Variants in GNAQ observed in about 807,000 individuals in gnomAD.
GNAQ encodes G protein subunit alpha q.
GNAQ carries 8 observed loss-of-function variants against 43.9 expected under a neutral mutation model. The ratio of observed to expected loss-of-function variants is 0.18; its 90% CI spans 0.11 to 0.33. The LOEUF (loss-of-function observed/expected upper bound fraction) is 0.33. Ranked by LOEUF, GNAQ falls within the 10% of genes least tolerant of loss-of-function variation. GNAQ has a pLI of 1.00. For missense variants in GNAQ, 158 were observed against 450.8 expected, an observed-to-expected ratio of 0.35 and a Z score of 5.88; for synonymous variants, 155 against 170.7, an observed-to-expected ratio of 0.91 and a Z score of 0.71.
intron 2 of GNAQ, among the ~76,000 whole-genome samples, chr9:77,905,096 T>TAC (rs1358452251): frequency 6.6e-6 from 1 of 152,162 alleles, no homozygotes; most frequent in Non-Finnish European, 1.5e-5. Flanking sequence ...CATCCTCTAT[T>TAC]ACCAAGAAAT....
chr9:77,741,226 G>T (rs1172772160), intron 5 of GNAQ, among the ~76,000 whole-genome samples: 6 of 152,152 alleles, frequency 3.9e-5, no homozygotes. Flanking sequence ...CTGATAAAAA[G>T]GAAGTTGAGT....
chr9:77,915,136 T>C (rs570226870), intron 2 of GNAQ, among the ~76,000 whole-genome samples: 28 of 152,346 alleles, frequency 1.8e-4, no homozygotes, highest in African/African-American at 6.5e-4. Context: ...AGTACATTCC[T>C]AGCTTTATTT....
At chr9:77,965,951 G>T (rs1213334829) in intron 1 of GNAQ, among the ~76,000 whole-genome samples, 1 of 151,998 alleles carries the variant, frequency 6.6e-6, no homozygotes, top group Admixed American at 6.6e-5. Flanking sequence ...ATCAGTAGAT[G>T]AATGGATAAA....
chr9:77,993,007 T>C (rs1823527644), intron 1 of GNAQ, among the ~76,000 whole-genome samples: 1 of 152,212 alleles, frequency 6.6e-6, no homozygotes, highest in Admixed American at 6.6e-5. Flanking sequence ...TTTTCTATTG[T>C]AATATCAGAA....
intron 5 of GNAQ, among the ~76,000 whole-genome samples, chr9:77,749,957 C>T (rs1359908645): frequency 6.6e-6 from 1 of 151,876 alleles, no homozygotes. Flanking sequence ...TATTTCTTCA[C>T]TAATTTAGAC....
chr9:77,850,127 A>G (rs1411523695), intron 2 of GNAQ, among the ~76,000 whole-genome samples: 2 of 152,242 alleles, frequency 1.3e-5, no homozygotes, highest in Non-Finnish European at 2.9e-5. Context: ...TGATGGCCGC[A>G]GGCCCCTTCA....
intron 2 of GNAQ, among the ~76,000 whole-genome samples, chr9:77,899,546 C>CA (rs1828561957): frequency 8.5e-6 from 1 of 117,566 alleles, no homozygotes. Flanking sequence ...CAAAGAATCA[C>CA]ATTAACAAAA....
intron 1 of GNAQ, among the ~76,000 whole-genome samples, chr9:77,971,368 C>T (rs960702834): frequency 6.6e-6 from 1 of 152,082 alleles, no homozygotes; most frequent in Admixed American, 6.6e-5. Flanking sequence ...AACATCGATG[C>T]AAAAATCCTC....
At chr9:77,862,549 C>T (rs1827871809) in intron 2 of GNAQ, among the ~76,000 whole-genome samples, 1 of 152,192 alleles carries the variant, frequency 6.6e-6, no homozygotes, top group Admixed American at 6.5e-5. Flanking sequence ...CACAGGGCAC[C>T]AAGTTCCTAG....
At chr9:77,729,641 A>G (rs1825455291) in intron 5 of GNAQ, among the ~76,000 whole-genome samples, 1 of 152,154 alleles carries the variant, frequency 6.6e-6, no homozygotes, top group Admixed American at 6.5e-5. Context: ...AGATTTGGGA[A>G]TTCTCCTTCC....
intron 2 of GNAQ, among the ~76,000 whole-genome samples, chr9:77,841,483 TG>T (rs1827489822): frequency 6.6e-6 from 1 of 152,200 alleles, no homozygotes; most frequent in Non-Finnish European, 1.5e-5. Flanking sequence ...CACAATAAAT[TG>T]GACAAAATCA....
intron 3 of GNAQ, among the ~76,000 whole-genome samples, chr9:77,812,494 T>C (rs1256032344): frequency 1.3e-5 from 2 of 152,196 alleles, no homozygotes; most frequent in Non-Finnish European, 2.9e-5. Context: ...TAAATCATAC[T>C]ATGAGAAGCA....
At chr9:77,857,322 T>C (rs149391820) in intron 2 of GNAQ, among the ~76,000 whole-genome samples, 76 of 152,322 alleles carry the variant, frequency 5.0e-4, no homozygotes, top group African/African-American at 1.8e-3. Flanking sequence ...CTTAGCTTTG[T>C]TAAGATCAGC....
intron 1 of GNAQ, among the ~76,000 whole-genome samples, chr9:78,014,062 C>G (rs1433946006): frequency 6.6e-6 from 1 of 152,114 alleles, no homozygotes; most frequent in Non-Finnish European, 1.5e-5. Context: ...GTTATATAGG[C>G]TACCAACAGT....
intron 5 of GNAQ, among the ~76,000 whole-genome samples, chr9:77,789,912 G>C (rs1000469073): frequency 6.6e-6 from 1 of 151,864 alleles, no homozygotes; most frequent in Non-Finnish European, 1.5e-5. Flanking sequence ...CTAGCGTAAG[G>C]GAAGCAAGGA....
chr9:77,915,267 G>A (rs1376670362), intron 2 of GNAQ, among the ~76,000 whole-genome samples: 1 of 151,924 alleles, frequency 6.6e-6, no homozygotes, highest in Non-Finnish European at 1.5e-5. Flanking sequence ...ACTCTGAAGT[G>A]ACTCTGAGGT....
At chr9:77,937,515 C>A (rs1353705224) in intron 1 of GNAQ, among the ~76,000 whole-genome samples, 2 of 152,194 alleles carry the variant, frequency 1.3e-5, no homozygotes, top group African/African-American at 4.8e-5. Context: ...AGCATCATCA[C>A]AATCCATTTT....
rs554574556 is a variant in GNAQ, at chr9:77,985,431, A to G, written c.136+45669T>C. On this transcript the variant is annotated intron_variant, in intron 1 of 6. Transcript: ENST00000286548. ...GAGACTGAAGACATTAATTGTGAGC[A>G]GTCACTGTTGCAGAAATTCCTACTC... Among the ~76,000 whole-genome samples the G allele has an allele frequency of 2.6e-5, 4 of 152,332 alleles. No homozygotes were observed. In the East Asian group the frequency reaches 7.7e-4, roughly 29 times the overall value.
intron 5 of GNAQ, among the ~76,000 whole-genome samples, chr9:77,793,556 T>A (rs1390681006): frequency 2.0e-5 from 3 of 152,142 alleles, no homozygotes; most frequent in Admixed American, 1.3e-4. Flanking sequence ...ATATGCTAGA[T>A]CCTATTTTAG....
Sources: gnomAD v4.1 joint callset for allele counts (sites outside exome capture counted in the v4.1 genomes callset) on GRCh38, gnomAD v4.1.1 for gene constraint, MANE v1.5 for transcripts, NCBI Gene and HGNC (gene_info 2026-07-23, HGNC 2026-07-21) for gene names.